The following CLSTN2 variants were observed in gnomAD, a reference collection of about 807,000 sequenced individuals.
CLSTN2 encodes the protein calsyntenin-2.
CLSTN2 carries 48 observed loss-of-function variants against 101.2 expected under a neutral mutation model. The observed-to-expected ratio is 0.47, with a 90% CI of 0.38 to 0.60. CLSTN2 has a LOEUF of 0.60. Among genes scored for constraint, CLSTN2 ranks in the 20% least tolerant of loss-of-function variants. The pLI is 0.00. For missense variants in CLSTN2, 1,160 were observed against 1,238.2 expected (o/e 0.94, Z 0.95); for synonymous variants, 481 against 463.6 (o/e 1.04, Z -0.48).
At chr3:140,186,977 C>CTT (rs149986443) in intron 2 of CLSTN2, among the ~76,000 whole-genome samples, 1 of 152,128 alleles carries the variant, frequency 6.6e-6, no homozygotes, top group African/African-American at 2.4e-5. Flanking sequence ...GAGCAAATGG[C>CTT]TTTTTTTCTA....
intron 1 of CLSTN2, among the ~76,000 whole-genome samples, chr3:139,944,502 G>T (rs985114257): frequency 6.6e-6 from 1 of 152,188 alleles, no homozygotes; most frequent in Admixed American, 6.5e-5. Flanking sequence ...TTCCAGGTGG[G>T]GGCTGTGCTC....
intron 9 of CLSTN2, among the ~76,000 whole-genome samples, chr3:140,533,092 C>A (rs566048524): frequency 3.6e-4 from 55 of 152,324 alleles, no homozygotes; most frequent in Non-Finnish European, 7.1e-4. Flanking sequence ...CCCTTCCTCT[C>A]TTCTTGTGCT....
intron 1 of CLSTN2, among the ~76,000 whole-genome samples, chr3:140,059,913 A>G (rs1395205087): frequency 2.0e-5 from 3 of 152,194 alleles, no homozygotes; most frequent in African/African-American, 7.2e-5. Context: ...TTGCTTAATG[A>G]TGGAGTTAAG....
chr3:140,411,735 G>A (rs1484331322), intron 4 of CLSTN2, among the ~76,000 whole-genome samples: 1 of 152,194 alleles, frequency 6.6e-6, no homozygotes, highest in Admixed American at 6.5e-5. Flanking sequence ...ACCACCAGAA[G>A]CTCAGACAAA....
intron 8 of CLSTN2, among the ~76,000 whole-genome samples, chr3:140,491,617 T>C (rs1181674345): frequency 6.6e-6 from 1 of 152,158 alleles, no homozygotes; most frequent in East Asian, 1.9e-4. Flanking sequence ...AGTCCAGAAG[T>C]TGGAGATCAG....
chr3:140,283,007 A>G (rs1234302350), intron 2 of CLSTN2, among the ~76,000 whole-genome samples: 2 of 152,134 alleles, frequency 1.3e-5, no homozygotes, highest in African/African-American at 2.4e-5. Flanking sequence ...GTATCTCACC[A>G]GTGATATCCA....
intron 2 of CLSTN2, among the ~76,000 whole-genome samples, chr3:140,393,557 T>A (rs1019701330): frequency 1.3e-5 from 2 of 152,238 alleles, no homozygotes; most frequent in African/African-American, 2.4e-5. Context: ...GAGATGTTGT[T>A]GACAGAGGTA....
intron 1 of CLSTN2, among the ~76,000 whole-genome samples, chr3:140,141,046 G>A (rs1052148538): frequency 4.6e-5 from 7 of 152,264 alleles, no homozygotes; most frequent in Admixed American, 3.3e-4. Context: ...GAGTCAGTCA[G>A]GGTGGAGAAA....
rs2009197098 is a variant in CLSTN2 at position 140,113,923 on chromosome 3, TATTC to T, written c.110-62025_110-62022del. The stretch of plus-strand genomic sequence containing the variant: ...ATAAGTGATATGTAGTGTGGGAAGT[TATTC>T]ATAATTGCGGGAAAGCCACCAGCTC... On this transcript the variant is annotated intron_variant, in intron 1 of 16. Transcript: ENST00000458420. 2.0e-5 allele frequency among the ~76,000 whole-genome samples: 3 copies of T among 152,294 alleles called. No individual in the cohort carries two copies. The South Asian group carries it at 6.2e-4, about 32-fold the overall frequency.
chr3:140,496,645 C>A (rs888369569), intron 8 of CLSTN2, among the ~76,000 whole-genome samples: 1 of 152,096 alleles, frequency 6.6e-6, no homozygotes, highest in Non-Finnish European at 1.5e-5. Context: ...CCTTCAATAT[C>A]TAGTTTATTG....
chr3:140,012,678 G>C (rs944073063), intron 1 of CLSTN2, among the ~76,000 whole-genome samples: 3 of 152,170 alleles, frequency 2.0e-5, no homozygotes, highest in African/African-American at 7.2e-5. Flanking sequence ...AGAGTCATTA[G>C]GTTTTGCAGC....
chr3:140,092,463 G>T (rs1467239971), intron 1 of CLSTN2, among the ~76,000 whole-genome samples: 2 of 152,208 alleles, frequency 1.3e-5, no homozygotes, highest in Admixed American at 6.5e-5. Flanking sequence ...TTAGAGTGGG[G>T]TGTGTTTATT....
intron 1 of CLSTN2, among the ~76,000 whole-genome samples, chr3:140,004,435 T>C (rs2006913602): frequency 6.6e-6 from 1 of 152,222 alleles, no homozygotes; most frequent in Non-Finnish European, 1.5e-5. Flanking sequence ...TCTGGCCATC[T>C]GGATCCCCAC....
At chr3:140,499,500 G>T (rs1227091455) in intron 8 of CLSTN2, among the ~76,000 whole-genome samples, 3 of 152,174 alleles carry the variant, frequency 2.0e-5, no homozygotes, top group Non-Finnish European at 2.9e-5. Flanking sequence ...TCTGGGCTGA[G>T]AATTGTAACC....
chr3:140,061,021 G>A (rs1017221747), intron 1 of CLSTN2, among the ~76,000 whole-genome samples: 3 of 152,188 alleles, frequency 2.0e-5, no homozygotes, highest in South Asian at 2.1e-4. Context: ...GAAGCCCTGA[G>A]CAGAGGGGCA....
intron 1 of CLSTN2, among the ~76,000 whole-genome samples, chr3:139,971,274 T>A (rs1177491220): frequency 6.6e-5 from 10 of 152,208 alleles, no homozygotes; most frequent in Non-Finnish European, 1.0e-4. Context: ...AAAAGAGCAG[T>A]CAATTATATT....
chr3:139,960,501 A>G (rs1406319644), intron 1 of CLSTN2, among the ~76,000 whole-genome samples: 1 of 152,162 alleles, frequency 6.6e-6, no homozygotes, highest in Non-Finnish European at 1.5e-5. Flanking sequence ...AGGCATTTTT[A>G]TTCTGGAGGA....
intron 1 of CLSTN2, among the ~76,000 whole-genome samples, chr3:140,048,248 C>T (rs575915838): frequency 6.6e-6 from 1 of 152,172 alleles, no homozygotes; most frequent in South Asian, 2.1e-4. Context: ...TAGTGTAAAC[C>T]CTACTGTCAA....
At chr3:140,039,246 C>A (rs2007715951) in intron 1 of CLSTN2, among the ~76,000 whole-genome samples, 1 of 152,142 alleles carries the variant, frequency 6.6e-6, no homozygotes, top group African/African-American at 2.4e-5. Flanking sequence ...CTGATTATTA[C>A]TTTAAAATAA....
Sources: allele counts gnomAD v4.1 joint callset (sites outside exome capture counted in the v4.1 genomes callset), GRCh38; gene constraint gnomAD v4.1.1; transcripts MANE v1.5; gene names NCBI Gene and HGNC (gene_info 2026-07-23, HGNC 2026-07-21).